Variants in TRRAP observed in about 807,000 individuals in gnomAD.
TRRAP encodes the protein transformation/transcription domain-associated protein.
A neutral mutation model predicts 438.8 loss-of-function variants in TRRAP; 41 were observed. The observed-to-expected ratio is 0.09, with a 90% CI of 0.07 to 0.12. The LOEUF is 0.12. Among genes scored for constraint, TRRAP ranks in the 10% least tolerant of loss-of-function variants. The pLI, the probability that TRRAP is intolerant of heterozygous loss-of-function variation, is 1.00. For missense variants in TRRAP, 3,122 were observed against 5,055.1 expected (o/e 0.62, Z 11.60); for synonymous variants, 1,994 against 1,962.9 (o/e 1.02, Z -0.42).
At chr7:98,985,223 A>G (rs892791378) in intron 62 of TRRAP, among the ~76,000 whole-genome samples, 179 bp downstream of exon 62, 3 of 152,242 alleles carry the variant, frequency 2.0e-5, no homozygotes, top group African/African-American at 4.8e-5. Flanking sequence ...ACAAATTGAT[A>G]AGCCTATTTG....
chr7:98,922,626 T>A (rs903683517), intron 21 of TRRAP, among the ~76,000 whole-genome samples: 1 of 152,194 alleles, frequency 6.6e-6, no homozygotes, highest in Non-Finnish European at 1.5e-5. Flanking sequence ...AGCATTTGTT[T>A]CCATGTCTTT....
At chr7:98,889,230 A>T (rs182154193) in intron 3 of TRRAP, among the ~76,000 whole-genome samples, 200 of 152,218 alleles carry the variant, frequency 1.3e-3, no homozygotes, top group African/African-American at 4.2e-3. Flanking sequence ...AAATGGAGAT[A>T]ATACCTATCT....
At chr7:98,964,088 A>G (rs1792047760) in intron 47 of TRRAP, among the ~76,000 whole-genome samples, 1 of 151,928 alleles carries the variant, frequency 6.6e-6, no homozygotes, top group Non-Finnish European at 1.5e-5. Flanking sequence ...ATTAAAAAAA[A>G]AAAAAAAAAA....
chr7:98,950,284 T>A (rs1554417936), intron 38 of TRRAP, 22 bp downstream of exon 38: 2 of 1,613,500 alleles, frequency 1.2e-6, no homozygotes, highest in African/African-American at 2.7e-5. Flanking sequence ...TCTTATGCTG[T>A]AGAAGGGTAT....
At position 98,981,979 on chromosome 7, in the gene TRRAP, T is replaced by C. The variant is rs919966851; in HGVS notation, c.8826+19T>C. 6.4e-7 allele frequency: 1 copy of C among 1,551,624 alleles called. No individual in the cohort carries two copies. Among genetic ancestry groups the C allele is most frequent in the Non-Finnish European group, 8.7e-7 (1 of 1,151,016 alleles). On this transcript the variant is annotated intron_variant, in intron 59 of 72. Coordinates refer to ENST00000456197, the MANE Select transcript of TRRAP (RefSeq NM_001375524.1). ...CCTACAGGTGCGTGCGGTGCCCCCA[T>C]GCGAGCACAGGCCTGTGGCCTGTCG...
intron 67 of TRRAP, chr7:98,999,761 A>G (rs961605394): frequency 3.2e-6 from 2 of 616,828 alleles, no homozygotes; most frequent in Non-Finnish European, 5.8e-6. Context: ...TTCTGGGGGC[A>G]CTCATCTGAA....
chr7:98,987,590 ATTC>A (rs898723069), intron 62 of TRRAP, among the ~76,000 whole-genome samples: 65 of 152,066 alleles, frequency 4.3e-4, no homozygotes, highest in African/African-American at 1.5e-3. Flanking sequence ...CTTTTTGGGG[ATTC>A]TTCTTTTCTG....
At chr7:98,891,321 C>T (rs1349418192) in intron 4 of TRRAP, among the ~76,000 whole-genome samples, 2 of 150,012 alleles carry the variant, frequency 1.3e-5, no homozygotes, top group East Asian at 2.0e-4. Flanking sequence ...AAACAATTCT[C>T]CTGCCTCAGC....
rs568070448 is a variant in TRRAP at position 98,924,792 on chromosome 7, A to G, written c.2824-320A>G. Among the ~76,000 whole-genome samples the G allele has an allele frequency of 3.2e-3, 466 of 145,518 alleles. 1 individual carries two copies. The highest frequency in any genetic ancestry group is 0.012 in the African/African-American group (456 of 39,124). On this transcript the variant is annotated intron_variant, in intron 21 of 72. Coordinates refer to ENST00000456197, the MANE Select transcript of TRRAP (RefSeq NM_001375524.1). ...GCCGAGGCGGGCAGATCACGAGGTC[A>G]GGAGATCGAGACCATCCTGGCTAAC...
chr7:98,943,851 T>TA (rs1203318127), intron 31 of TRRAP, among the ~76,000 whole-genome samples: 2 of 152,232 alleles, frequency 1.3e-5, no homozygotes, highest in Admixed American at 6.5e-5. Flanking sequence ...GAGGCATAAT[T>TA]AACGTGGCTT....
intron 70 of TRRAP, among the ~76,000 whole-genome samples, chr7:99,009,866 T>C (rs1435165717): frequency 6.8e-6 from 1 of 148,018 alleles, no homozygotes; most frequent in Non-Finnish European, 1.5e-5. Context: ...TTTATTCTAC[T>C]CCTTCATTCT....
At chr7:98,953,052 TG>T in intron 39 of TRRAP, 114 bp from the exon 40 acceptor site, 5 of 66,946 alleles carry the variant, frequency 7.5e-5, no homozygotes, top group Non-Finnish European at 1.7e-4. Flanking sequence ...TGTGTGTGTG[TG>T]TGTGTGTGTG....
At chr7:98,995,496 A>G (rs144769676) in intron 67 of TRRAP, among the ~76,000 whole-genome samples, 25 of 152,152 alleles carry the variant, frequency 1.6e-4, no homozygotes, top group Admixed American at 9.2e-4. Context: ...TGTATTTTCA[A>G]TGCTTGTCTG....
chr7:98,991,095 G>A (rs1793408758), intron 64 of TRRAP, among the ~76,000 whole-genome samples: 2 of 152,182 alleles, frequency 1.3e-5, no homozygotes, highest in South Asian at 4.1e-4. Context: ...GTTCTCAAGG[G>A]CAGTGGGGCC....
Position 98,930,817 on chromosome 7 carries a change from A to G in TRRAP, c.3578A>G (p.Asp1193Gly). ...AAAGCACTTCTCTTTGTCATGATGG[A>G]CTTAACTGGAGAGGTAGGTGATGGG... ...FLKALLFVMM[D>G]LTGEVSNGAV... is the part of the protein sequence containing the mutation. The change falls in exon 25 of 73, where the codon GAC becomes GGC. Residue 1193 changes from aspartate (D) to glycine (G), a missense_variant. By Grantham distance (94) the Asp-to-Gly change is moderately conservative (BLOSUM62 -1). Around this residue, in one of 24 missense-constraint regions of TRRAP, gnomAD observed 153 missense variants for 223.0 expected, o/e 0.69. Transcript: ENST00000456197. 1 of 1,614,198 alleles carries G rather than the reference A, an allele frequency of 6.2e-7. No homozygotes were observed. Among genetic ancestry groups the G allele is most frequent in the Non-Finnish European group, 8.5e-7 (1 of 1,180,044 alleles).
intron 68 of TRRAP, 131 bp downstream of exon 68, chr7:99,004,546 A>G: frequency 1.2e-6 from 1 of 808,378 alleles, no homozygotes; most frequent in South Asian, 1.8e-5. Context: ...ACATAAGATG[A>G]TTCTGGAATG....
At chr7:98,937,345 A>G (rs1790605413) in intron 29 of TRRAP, 68 bp downstream of exon 29, 3 of 1,550,888 alleles carry the variant, frequency 1.9e-6, no homozygotes, top group Admixed American at 2.2e-5. Context: ...CTCTGCATTA[A>G]GAGTTCTTCC....
chr7:98,878,858 G>A (rs932142035), intron 1 of TRRAP, among the ~76,000 whole-genome samples: 3 of 152,172 alleles, frequency 2.0e-5, no homozygotes, highest in African/African-American at 7.2e-5. Flanking sequence ...GCGCTCGCGG[G>A]CGCGGGAATT....
At chr7:98,907,825 C>T (rs1796857869) in intron 13 of TRRAP, among the ~76,000 whole-genome samples, 1 of 150,072 alleles carries the variant, frequency 6.7e-6, no homozygotes, top group Non-Finnish European at 1.5e-5. Context: ...CATGCTGGCC[C>T]CTACAGCTCC....
Sources: allele counts gnomAD v4.1 joint callset (sites outside exome capture counted in the v4.1 genomes callset), GRCh38; gene constraint gnomAD v4.1.1; regional missense constraint gnomAD v4.1.1; transcripts MANE v1.5; gene names NCBI Gene and HGNC (gene_info 2026-07-23, HGNC 2026-07-21).